The following RAB3GAP2 variants were observed in gnomAD, a reference collection of about 807,000 sequenced individuals.
The protein encoded by RAB3GAP2 is rab3 GTPase-activating protein non-catalytic subunit.
RAB3GAP2 carries 87 observed loss-of-function variants against 185.3 expected under a neutral mutation model. That is an observed-to-expected ratio of 0.47 (90% CI 0.39 to 0.56). RAB3GAP2 has a LOEUF of 0.56. RAB3GAP2 is among the 20% of genes least tolerant of loss of function. The pLI is 0.00. For missense variants in RAB3GAP2, 1,492 were observed against 1,638.2 expected (o/e 0.91, Z 1.54); for synonymous variants, 554 against 576.1 (o/e 0.96, Z 0.55).
chr1:220,251,930 G>T (rs1659939881), intron 1 of RAB3GAP2, among the ~76,000 whole-genome samples: 1 of 152,062 alleles, frequency 6.6e-6, no homozygotes, highest in Admixed American at 6.5e-5. Context: ...TGGTGGGATT[G>T]CTTGAGCCCA....
chr1:220,236,674 G>GAA (rs1018689584), intron 1 of RAB3GAP2, among the ~76,000 whole-genome samples: 2 of 120,964 alleles, frequency 1.7e-5, no homozygotes, highest in African/African-American at 3.1e-5. Context: ...ACATTCTTTA[G>GAA]AAAAAAAAAA....
intron 1 of RAB3GAP2, among the ~76,000 whole-genome samples, chr1:220,239,188 C>T (rs1259674437): frequency 2.6e-5 from 4 of 152,060 alleles, no homozygotes; most frequent in Non-Finnish European, 4.4e-5. Context: ...TATATACAGA[C>T]TTATATTCAG....
At chr1:220,182,140 T>C in intron 21 of RAB3GAP2, 117 bp downstream of exon 21, 1 of 1,528,960 alleles carries the variant, frequency 6.5e-7, no homozygotes, top group East Asian at 2.3e-5. Context: ...TTTTAGAAAG[T>C]TTTCATGGAC....
At position 220,151,654 on chromosome 1, in the gene RAB3GAP2, C is replaced by T. The variant is rs886046017; in HGVS notation, c.3978G>A (p.Glu1326=). ...LLHTQTKEGM[E]LLARLPPTLC... Reference sequence around the variant, plus strand: ...GTGTGGGTGGAAGTCTGGCAAGCAGCTCCATTCCTTCTTTTGTCTGGGTGT... The same window carrying T: ...GTGTGGGTGGAAGTCTGGCAAGCAGTTCCATTCCTTCTTTTGTCTGGGTGT... The change falls in exon 34 of 35, where the codon GAG becomes GAA. Residue 1326 remains glutamate, a synonymous_variant. Transcript: ENST00000358951. The T allele has an allele frequency of 4.3e-6, 7 of 1,612,002 alleles. No homozygotes were observed. The African/African-American group carries it at 9.3e-5, about 22-fold the overall frequency.
intron 24 of RAB3GAP2, among the ~76,000 whole-genome samples, chr1:220,167,971 C>A (rs1658103702): frequency 6.6e-6 from 1 of 152,162 alleles, no homozygotes; most frequent in Non-Finnish European, 1.5e-5. Flanking sequence ...GTTCAAAATA[C>A]ACTTTACCAG....
chr1:220,267,357 G>A (rs1660246857), intron 1 of RAB3GAP2: 4 of 1,168,526 alleles, frequency 3.4e-6, no homozygotes, highest in East Asian at 2.4e-5. Flanking sequence ...GATGTTGGAG[G>A]TGGGACTGTA....
chr1:220,157,194 C>A, intron 31 of RAB3GAP2, 76 bp downstream of exon 31: 1 of 1,271,208 alleles, frequency 7.9e-7, no homozygotes, highest in Non-Finnish European at 1.1e-6. Flanking sequence ...TGGACAGCTT[C>A]TATTAAATAT....
chr1:220,186,224 C>T (rs190590933), intron 17 of RAB3GAP2, among the ~76,000 whole-genome samples: 1 of 152,244 alleles, frequency 6.6e-6, no homozygotes. Context: ...TTCCCTACCT[C>T]CCTCTCCCCA....
At chr1:220,173,124 T>C (rs1336956842) in intron 21 of RAB3GAP2, among the ~76,000 whole-genome samples, 1 of 152,230 alleles carries the variant, frequency 6.6e-6, no homozygotes, top group African/African-American at 2.4e-5. Context: ...GTAGGATCTG[T>C]AGCTGTGGAT....
rs150329765 is a variant in RAB3GAP2, at chr1:220,182,265, G to C, written c.2302C>G (p.Leu768Val). Residue 768 changes from leucine to valine, a missense_variant, in exon 21 of 35, where the codon CTG becomes GTG. By Grantham distance (32) the Leu-to-Val change is conservative. Coordinates refer to ENST00000358951, the MANE Select transcript of RAB3GAP2 (RefSeq NM_012414.4). ...TLESAGLSPQLLLSLLLSVWL... is the reference protein window; with the variant it reads ...TLESAGLSPQVLLSLLLSVWL... Reference sequence around the variant, plus strand: ...AACCAAAAAAACCTTACCAACAACAGCTGAGGGCTAAGACCAGCCGACTCC... The same window carrying C: ...AACCAAAAAAACCTTACCAACAACACCTGAGGGCTAAGACCAGCCGACTCC... 1.2e-6 allele frequency: 2 copies of C among 1,613,790 alleles called. No individual in the cohort carries two copies. Among genetic ancestry groups the C allele is most frequent in the African/African-American group, 2.7e-5 (2 of 74,848 alleles).
rs1201671178 is a variant in RAB3GAP2 at position 220,272,286 on chromosome 1, G to C, written c.52C>G (p.Arg18Gly). 1 of 1,612,470 alleles carries C rather than the reference G, an allele frequency of 6.2e-7. No individual in the cohort carries two copies. The highest frequency in any genetic ancestry group is 8.5e-7 in the Non-Finnish European group (1 of 1,179,676). ...FCYFQDLQAA[R>G]DFLFPHLREE... Reference sequence around the variant, plus strand: ...CGCAGGTGAGGAAAGAGGAAGTCCCGGGCGGCCTGGAGGTCCTGGAAGTAG... The same window carrying C: ...CGCAGGTGAGGAAAGAGGAAGTCCCCGGCGGCCTGGAGGTCCTGGAAGTAG... The change falls in exon 1 of 35, where the codon CGG becomes GGG. Residue 18 changes from arginine to glycine, a missense_variant. Coordinates refer to ENST00000358951, the MANE Select transcript of RAB3GAP2 (RefSeq NM_012414.4).
chr1:220,153,349 T>C lies in RAB3GAP2; in HGVS notation c.3703A>G (p.Lys1235Glu). ...GGTGTGGCCTCTTCTGTGGGATCTTTGACCTTTGTGGCTGAATGTTGGGCC... is the reference window on the plus strand; with the variant it reads ...GGTGTGGCCTCTTCTGTGGGATCTTCGACCTTTGTGGCTGAATGTTGGGCC... ...VQAQHSATKV[K>E]DPTEEATPTP... The change falls in exon 33 of 35, where the codon AAA becomes GAA. Residue 1235 changes from lysine (K) to glutamate (E), a missense_variant. Transcript: ENST00000358951. The C allele has an allele frequency of 6.2e-7, 1 of 1,614,240 alleles. No individual in the cohort carries two copies. The highest frequency in any genetic ancestry group is 8.5e-7 in the Non-Finnish European group (1 of 1,180,034).
At chr1:220,230,565 C>G (rs896881833) in intron 2 of RAB3GAP2, among the ~76,000 whole-genome samples, 2 of 152,172 alleles carry the variant, frequency 1.3e-5, no homozygotes, top group African/African-American at 4.8e-5. Flanking sequence ...TTCCATACAT[C>G]TCTATTACAT....
chr1:220,260,887 A>T (rs1242619554), intron 1 of RAB3GAP2, among the ~76,000 whole-genome samples: 1 of 152,204 alleles, frequency 6.6e-6, no homozygotes, highest in Non-Finnish European at 1.5e-5. Flanking sequence ...CTTCAAATGT[A>T]GCCACTGTGA....
chr1:220,179,051 C>T (rs1219104939), intron 21 of RAB3GAP2, among the ~76,000 whole-genome samples: 1 of 151,494 alleles, frequency 6.6e-6, no homozygotes, highest in African/African-American at 2.4e-5. Flanking sequence ...AAAGATATTC[C>T]ATAAAAATGA....
chr1:220,157,618 C>T lies in RAB3GAP2; in HGVS notation c.3337-130G>A, dbSNP rs1657881800. On this transcript the variant is annotated intron_variant, in intron 30 of 34. Transcript: ENST00000358951. The stretch of plus-strand genomic sequence containing the variant: ...ACTGTCCCAAATTGTAATAAAAAAA[C>T]ACAAAGTCTAATTTCAATAAGAATT... The T allele has an allele frequency of 3.7e-6, 4 of 1,084,534 alleles. 1 individual carries two copies. In the South Asian group the frequency reaches 5.7e-5, roughly 16 times the overall value. The allele number at this position is 1,084,534 out of a possible 1,614,324, so 67.2% of individuals were successfully genotyped here.
chr1:220,221,402 A>T (rs1571913691), intron 2 of RAB3GAP2, among the ~76,000 whole-genome samples: 1 of 152,294 alleles, frequency 6.6e-6, no homozygotes, highest in South Asian at 2.1e-4. Flanking sequence ...CAATCAGAAC[A>T]CCTGCTTCAC....
Position 220,182,316 on chromosome 1 carries a change from A to C in RAB3GAP2, c.2251T>G (p.Ser751Ala), listed in dbSNP as rs778164949. 1 of 1,614,122 alleles carries C rather than the reference A, an allele frequency of 6.2e-7. No homozygotes were observed. ...FFWKCLHGES[S>A]TEDMCHTLES... Reference sequence around the variant, plus strand: ...AAAGTGTGACACATATCCTCAGTGGAGCTTTCTCCATGCAAACACTTCCAA... The same window carrying C: ...AAAGTGTGACACATATCCTCAGTGGCGCTTTCTCCATGCAAACACTTCCAA... Residue 751 changes from serine (S) to alanine (A), a missense_variant, in exon 21 of 35, where the codon TCC becomes GCC. By Grantham distance (99) the Ser-to-Ala change is moderately conservative. Transcript: ENST00000358951.
intron 2 of RAB3GAP2, among the ~76,000 whole-genome samples, chr1:220,219,184 T>C (rs1274575862): frequency 6.6e-6 from 1 of 152,154 alleles, no homozygotes; most frequent in Non-Finnish European, 1.5e-5. Context: ...TAGTACTAAG[T>C]GCAAGACAAT....
Sources: allele counts gnomAD v4.1 joint callset (sites outside exome capture counted in the v4.1 genomes callset), GRCh38; gene constraint gnomAD v4.1.1; transcripts MANE v1.5; gene names NCBI Gene and HGNC (gene_info 2026-07-23, HGNC 2026-07-21).